MBD5: variants seen among roughly 807,000 people sequenced by gnomAD.
MBD5 encodes the protein methyl-CpG-binding domain protein 5.
In MBD5, 13 loss-of-function variants were observed where a neutral mutation model predicts 117.3. The ratio of observed to expected loss-of-function variants is 0.11; its 90% CI spans 0.07 to 0.18. The LOEUF is 0.18. Ranked by LOEUF, MBD5 falls within the 10% of genes least tolerant of loss-of-function variation. MBD5 has a pLI of 1.00. For missense variants in MBD5, 1,879 were observed against 2,093.8 expected (o/e 0.90, Z 2.00); for synonymous variants, 727 against 766.4 (o/e 0.95, Z 0.85).
chr2:148,059,416 C>A (rs555685318), intron 1 of MBD5, among the ~76,000 whole-genome samples: 155 of 152,202 alleles, frequency 1.0e-3, no homozygotes, highest in East Asian at 9.1e-3. Flanking sequence ...GTTAAGTTTG[C>A]ATACAGTAAA....
At chr2:148,070,316 T>C (rs777440951) in intron 1 of MBD5, among the ~76,000 whole-genome samples, 1 of 152,200 alleles carries the variant, frequency 6.6e-6, no homozygotes, top group Non-Finnish European at 1.5e-5. Context: ...ATTTTATCAT[T>C]GGTGCTATGT....
chr2:148,226,689 C>T (rs1699830762), intron 2 of MBD5, among the ~76,000 whole-genome samples: 1 of 152,142 alleles, frequency 6.6e-6, no homozygotes, highest in East Asian at 1.9e-4. Context: ...AATCGCCACA[C>T]CGACTTCCAC....
rs1421969677 is a variant in MBD5, at chr2:148,470,111, G to T, written c.2168G>T (p.Cys723Phe). 6.2e-7 allele frequency: 1 copy of T among 1,613,898 alleles called. No individual in the cohort carries two copies. The highest frequency in any genetic ancestry group is 1.7e-5 in the Admixed American group (1 of 59,966). Residue 723 changes from cysteine to phenylalanine, a missense_variant, in exon 8 of 14, where the codon TGT becomes TTT. Cys to Phe is a radical substitution (Grantham distance 205, BLOSUM62 -2). Around this residue, in one of 4 missense-constraint regions of MBD5, gnomAD observed 1,666 missense variants for 1,792.2 expected, o/e 0.93. Transcript: ENST00000642680. ...TTGAGTAGCAATAGTACCCCGGGTT[G>T]TGGGGCCTCAAATACTGCTTTGCCT... ...SHLSSNSTPG[C>F]GASNTALPCS...
intron 1 of MBD5, among the ~76,000 whole-genome samples, chr2:148,163,478 A>G (rs922352097): frequency 2.0e-5 from 3 of 152,110 alleles, no homozygotes; most frequent in Admixed American, 6.5e-5. Flanking sequence ...CTGGAGTTCA[A>G]TGGCGTGATC....
chr2:148,354,847 G>C (rs759954330), intron 4 of MBD5, among the ~76,000 whole-genome samples: 1 of 152,058 alleles, frequency 6.6e-6, no homozygotes, highest in Non-Finnish European at 1.5e-5. Flanking sequence ...ATTTTGATTT[G>C]CATTTCTCTG....
intron 1 of MBD5, among the ~76,000 whole-genome samples, chr2:148,101,863 G>A (rs1302650481): frequency 6.6e-6 from 1 of 152,096 alleles, no homozygotes; most frequent in Non-Finnish European, 1.5e-5. Context: ...GCATAGAATT[G>A]TTTAATATCT....
At chr2:148,401,547 T>G (rs1205878869) in intron 4 of MBD5, among the ~76,000 whole-genome samples, 1 of 152,164 alleles carries the variant, frequency 6.6e-6, no homozygotes, top group Non-Finnish European at 1.5e-5. Flanking sequence ...CTACTATTTC[T>G]TCATCTGTCT....
rs892183600 is a variant in MBD5, at chr2:148,330,700, C to T, written c.-679-11514C>T. 3 of 152,220 alleles carry T rather than the reference C, an allele frequency of 2.0e-5. No homozygotes were observed. In the South Asian group the frequency reaches 6.2e-4, roughly 32 times the overall value. The allele number at this position is 152,220 out of a possible 1,614,324, so 9.4% of individuals were successfully genotyped here. ...ATCTGTGTGGGGTAGTTGAACAAGACATTTGTGTGAAATAAAATGTCCCAA... is the reference window on the plus strand; with the variant it reads ...ATCTGTGTGGGGTAGTTGAACAAGATATTTGTGTGAAATAAAATGTCCCAA... On this transcript the variant is annotated intron_variant, in intron 3 of 13. Coordinates refer to ENST00000642680, the MANE Select transcript of MBD5 (RefSeq NM_001378120.1).
At chr2:148,508,179 T>A (rs1173102181) in intron 12 of MBD5, among the ~76,000 whole-genome samples, 1 of 152,162 alleles carries the variant, frequency 6.6e-6, no homozygotes, top group South Asian at 2.1e-4. Flanking sequence ...GGAGCTTGCT[T>A]GGCAGACACC....
At chr2:148,188,728 A>G (rs556150038) in intron 2 of MBD5, among the ~76,000 whole-genome samples, 1 of 151,566 alleles carries the variant, frequency 6.6e-6, no homozygotes, top group Non-Finnish European at 1.5e-5. Context: ...AGAAGACAAC[A>G]TTAAAAATAA....
In MBD5 at chr2:148,021,611, T is replaced by C; in HGVS notation, c.-998T>C. The stretch of plus-strand genomic sequence containing the variant: ...CCTCCTTCGCCTCCTCCTCCTCCAC[T>C]CCCCCCCTTTATTACCCTTTGTGTC... On this transcript the variant is annotated 5_prime_UTR_variant, in exon 1 of 14. Coordinates refer to ENST00000642680, the MANE Select transcript of MBD5 (RefSeq NM_001378120.1). 2.2e-6 allele frequency: 1 copy of C among 459,188 alleles called. No individual in the cohort carries two copies. The highest frequency in any genetic ancestry group is 4.3e-6 in the Non-Finnish European group (1 of 233,028). The allele number at this position is 459,188 out of a possible 1,614,324, so 28.4% of individuals were successfully genotyped here.
At chr2:148,140,668 T>C (rs1697291364) in intron 1 of MBD5, among the ~76,000 whole-genome samples, 1 of 152,226 alleles carries the variant, frequency 6.6e-6, no homozygotes, top group Non-Finnish European at 1.5e-5. Flanking sequence ...TAATACATTT[T>C]TGAGATAAGT....
chr2:148,480,086 C>T (rs1681103374), intron 8 of MBD5, among the ~76,000 whole-genome samples: 1 of 151,736 alleles, frequency 6.6e-6, no homozygotes, highest in Non-Finnish European at 1.5e-5. Flanking sequence ...TTCTATTGTC[C>T]AGCAGAGTAC....
At chr2:148,147,329 G>A (rs1408841208) in intron 1 of MBD5, among the ~76,000 whole-genome samples, 1 of 151,510 alleles carries the variant, frequency 6.6e-6, no homozygotes, top group Non-Finnish European at 1.5e-5. Flanking sequence ...TGCAACCTCT[G>A]CCTCCTAGAT....
chr2:148,482,624 G>A (rs1333033080), intron 8 of MBD5, among the ~76,000 whole-genome samples: 1 of 152,058 alleles, frequency 6.6e-6, no homozygotes, highest in Admixed American at 6.5e-5. Context: ...ATATTTTTAT[G>A]TGCATTCTAC....
At chr2:148,064,282 A>AT (rs1279237946) in intron 1 of MBD5, among the ~76,000 whole-genome samples, 3 of 150,566 alleles carry the variant, frequency 2.0e-5, no homozygotes, top group African/African-American at 4.9e-5. Context: ...CGCCCGGCTA[A>AT]TTTTTTGTAT....
At chr2:148,063,091 C>A (rs1326179951) in intron 1 of MBD5, among the ~76,000 whole-genome samples, 1 of 152,082 alleles carries the variant, frequency 6.6e-6, no homozygotes, top group Non-Finnish European at 1.5e-5. Context: ...ATAATGATAT[C>A]TCCTCTTGCG....
At chr2:148,412,181 C>T (rs1705273146) in intron 4 of MBD5, among the ~76,000 whole-genome samples, 2 of 151,846 alleles carry the variant, frequency 1.3e-5, no homozygotes, top group South Asian at 4.2e-4. Context: ...AGCTTTACTT[C>T]TGGGCTCTCT....
intron 4 of MBD5, among the ~76,000 whole-genome samples, chr2:148,456,360 G>A (rs531719722): frequency 6.6e-6 from 1 of 152,168 alleles, no homozygotes; most frequent in South Asian, 2.1e-4. Flanking sequence ...TGATGGCTCT[G>A]CCCCCATGAC....
Sources: gnomAD v4.1 joint callset for allele counts (sites outside exome capture counted in the v4.1 genomes callset) on GRCh38, gnomAD v4.1.1 for gene constraint, gnomAD v4.1.1 regional missense constraint, MANE v1.5 for transcripts, NCBI Gene and HGNC (gene_info 2026-07-23, HGNC 2026-07-21) for gene names.